Variants in EXT2 observed in about 807,000 individuals in gnomAD.
EXT2 encodes the protein exostosin glycosyltransferase 2.
A neutral mutation model predicts 81.6 loss-of-function variants in EXT2; 53 were observed. That is an observed-to-expected ratio of 0.65 (90% confidence interval 0.52 to 0.82). The LOEUF (loss-of-function observed/expected upper bound fraction) is 0.82. Ranked by LOEUF, EXT2 falls within the 40% of genes least tolerant of loss-of-function variation. The pLI is 0.00. For synonymous variants in EXT2, 320 were observed against 340.0 expected (o/e 0.94, Z 0.65); for missense variants, 774 against 910.2 (o/e 0.85, Z 1.93).
chr11:44,236,774 A>C (rs1289762635), intron 13 of EXT2, among the ~76,000 whole-genome samples: 2 of 152,220 alleles, frequency 1.3e-5, no homozygotes, highest in African/African-American at 4.8e-5. Flanking sequence ...AACCCACCAG[A>C]GACAAATTAC....
At position 44,126,972 on chromosome 11, in the gene EXT2, A is replaced by C. The variant is rs766099685; in HGVS notation, c.1079+17A>C. The C allele has an allele frequency of 3.1e-6, 5 of 1,613,412 alleles. No homozygotes were observed. The highest frequency in any genetic ancestry group is 8.5e-7 in the Non-Finnish European group (1 of 1,179,504). On this transcript the variant is annotated intron_variant, in intron 6 of 13. Coordinates refer to ENST00000533608, the MANE Select transcript of EXT2 (RefSeq NM_207122.2). ...CTGGAAGAGGTGGGTAGTACCTCCT[A>C]GTAAACTCTACATTAGTGGTTCTGC...
chr11:44,239,643 G>A (rs1314149056), intron 13 of EXT2, among the ~76,000 whole-genome samples: 4 of 148,954 alleles, frequency 2.7e-5, no homozygotes, highest in African/African-American at 7.4e-5. Flanking sequence ...CGCCCACCTC[G>A]GCCTCCCAAA....
chr11:44,226,054 A>G (rs1473296379), intron 10 of EXT2, among the ~76,000 whole-genome samples: 2 of 152,214 alleles, frequency 1.3e-5, no homozygotes, highest in East Asian at 3.8e-4. Flanking sequence ...GAAAGATTTA[A>G]TGGCACAGAT....
intron 2 of EXT2, 46 bp downstream of exon 2, chr11:44,108,294 G>T (rs1565196820): frequency 6.3e-7 from 1 of 1,588,840 alleles, no homozygotes; most frequent in South Asian, 1.1e-5. Context: ...TACTTGAGTG[G>T]CCCTCAGGGA....
intron 1 of EXT2, among the ~76,000 whole-genome samples, chr11:44,101,112 G>A (rs1953975260): frequency 6.6e-6 from 1 of 152,168 alleles, no homozygotes; most frequent in Admixed American, 6.5e-5. Flanking sequence ...TGGGTTGGGG[G>A]TGGGGTGGGG....
intron 10 of EXT2, among the ~76,000 whole-genome samples, chr11:44,231,325 C>T (rs911706137): frequency 2.0e-5 from 3 of 152,064 alleles, no homozygotes; most frequent in South Asian, 2.1e-4. Context: ...AGCAACTGGC[C>T]GGATGATTTA....
chr11:44,231,570 C>A (rs1247188883), intron 10 of EXT2, among the ~76,000 whole-genome samples: 2 of 152,058 alleles, frequency 1.3e-5, no homozygotes, highest in African/African-American at 4.8e-5. Flanking sequence ...AGAATAGAGC[C>A]TAGGACCGAA....
Position 44,245,159 on chromosome 11 carries a change from A to G in EXT2, c.*872A>G, listed in dbSNP as rs1204909381. 1 of 229,710 alleles carries G rather than the reference A, an allele frequency of 4.4e-6. No individual in the cohort carries two copies. The highest frequency in any genetic ancestry group is 2.2e-5 in the African/African-American group (1 of 45,224). The allele number at this position is 229,710 out of a possible 1,614,324, so 14.2% of individuals were successfully genotyped here. On this transcript the variant is annotated 3_prime_UTR_variant, in exon 14 of 14. Coordinates refer to ENST00000533608, the MANE Select transcript of EXT2 (RefSeq NM_207122.2). ...TCCAGAGGAATCTGTTTGCTTCCTG[A>G]TTAGATCCAGTCAATGTTTTAAAGG...
intron 2 of EXT2, 78 bp downstream of exon 2, chr11:44,108,326 G>T (rs1954093137): frequency 1.4e-6 from 2 of 1,471,942 alleles, no homozygotes; most frequent in Admixed American, 3.5e-5. Context: ...GGGAAGGATG[G>T]GAATGCTTCT....
chr11:44,110,895 T>C (rs1175523653), intron 3 of EXT2, among the ~76,000 whole-genome samples: 1 of 152,218 alleles, frequency 6.6e-6, no homozygotes, highest in African/African-American at 2.4e-5. Flanking sequence ...GTCCTTTATC[T>C]TTGCATGTGG....
At chr11:44,221,725 A>G (rs1955783848) in intron 10 of EXT2, among the ~76,000 whole-genome samples, 1 of 152,072 alleles carries the variant, frequency 6.6e-6, no homozygotes, top group South Asian at 2.1e-4. Context: ...CCAGGCCTGA[A>G]CTCCCCAGTT....
chr11:44,179,552 G>A (rs1008247005), intron 8 of EXT2, among the ~76,000 whole-genome samples: 1 of 152,160 alleles, frequency 6.6e-6, no homozygotes, highest in Non-Finnish European at 1.5e-5. Context: ...AATCTTTCAT[G>A]TACCAACTAT....
chr11:44,188,826 T>G (rs1955352564), intron 8 of EXT2, among the ~76,000 whole-genome samples: 1 of 152,034 alleles, frequency 6.6e-6, no homozygotes, highest in African/African-American at 2.4e-5. Flanking sequence ...CCAACATACG[T>G]CTAAGCTGAG....
At chr11:44,217,072 T>C (rs1955728456) in intron 10 of EXT2, among the ~76,000 whole-genome samples, 1 of 150,720 alleles carries the variant, frequency 6.6e-6, no homozygotes, top group Non-Finnish European at 1.5e-5. Context: ...TACCCATTCA[T>C]AGCACCCCAG....
intron 10 of EXT2, among the ~76,000 whole-genome samples, chr11:44,212,919 A>AAGAAGG (rs1329197643): frequency 2.0e-5 from 3 of 152,314 alleles, no homozygotes; most frequent in Non-Finnish European, 1.5e-5. Context: ...ACAAAAAAGC[A>AAGAAGG]AGAAGGAGCT....
chr11:44,167,479 T>C (rs1244340068), intron 7 of EXT2, among the ~76,000 whole-genome samples: 1 of 152,096 alleles, frequency 6.6e-6, no homozygotes, highest in Non-Finnish European at 1.5e-5. Flanking sequence ...ACTTTAAGCA[T>C]AAGGGAAAGC....
At chr11:44,227,276 G>C (rs4755236) in intron 10 of EXT2, among the ~76,000 whole-genome samples, 93,697 of 152,126 alleles carry the variant, frequency 0.62, 29,176 homozygotes, top group Middle Eastern at 0.74. Flanking sequence ...ACCATTTATT[G>C]GGTACTTCTA....
rs115936930 is a variant in EXT2, at chr11:44,245,549, T to G, written c.*1262T>G. On this transcript the variant is annotated 3_prime_UTR_variant, in exon 14 of 14. Transcript: ENST00000533608. ...TCTGATATTAAGATTAGCCACAGTT[T>G]GGGCTTTAGCCACAACATATGTCCC... 3.4e-3 allele frequency: 598 copies of G among 175,866 alleles called. 7 individuals are homozygous for G. The highest frequency in any genetic ancestry group is 0.014 in the African/African-American group (572 of 42,318). The allele number at this position is 175,866 out of a possible 1,614,324, so 10.9% of individuals were successfully genotyped here. A position where few individuals can be genotyped will look rare whatever the true frequency, so the allele number is the denominator to read the frequency against.
intron 7 of EXT2, among the ~76,000 whole-genome samples, chr11:44,158,480 C>T (rs1163993848): frequency 6.6e-6 from 1 of 151,788 alleles, no homozygotes; most frequent in Non-Finnish European, 1.5e-5. Flanking sequence ...ACTATCGAGA[C>T]CTGCTGCTCA....
Sources: allele counts gnomAD v4.1 joint callset (sites outside exome capture counted in the v4.1 genomes callset), GRCh38; gene constraint gnomAD v4.1.1; transcripts MANE v1.5; gene names NCBI Gene and HGNC (gene_info 2026-07-23, HGNC 2026-07-21).